Variants in CEP290 observed in about 807,000 individuals in gnomAD.
CEP290 encodes the protein centrosomal protein of 290 kDa.
In CEP290, 317 loss-of-function variants were observed where a neutral mutation model predicts 344.9. The observed-to-expected ratio is 0.92, with a 90% CI of 0.84 to 1.01. The LOEUF (loss-of-function observed/expected upper bound fraction) is 1.01, where lower values mean the gene tolerates loss of function less well. Ranked by LOEUF, CEP290 falls within the 50% of genes least tolerant of loss-of-function variation. The pLI is 0.00. For missense variants in CEP290, 2,754 were observed against 2,761.4 expected (o/e 1.00, Z 0.06); for synonymous variants, 932 against 895.8 (o/e 1.04, Z -0.72).
At chr12:88,099,954 C>G (rs1270186523) in intron 26 of CEP290, among the ~76,000 whole-genome samples, 1 of 151,740 alleles carries the variant, frequency 6.6e-6, no homozygotes, top group Non-Finnish European at 1.5e-5. Flanking sequence ...TTTTCTTTCC[C>G]TCCTCCTGAA....
Position 88,089,117 on chromosome 12 carries a change from T to G in CEP290, c.3944A>C (p.Glu1315Ala). ...TAATTCCATCTCCAATGTTTTGTTC[T>G]CCATATTTCTATGTTCTTGTTGAGA... Reference protein sequence around the residue: ...KNSQQEHRNMENKTLEMELKL... With the variant: ...KNSQQEHRNMANKTLEMELKL... The change falls in exon 31 of 54, where the codon GAG becomes GCG. Residue 1315 changes from glutamate to alanine, a missense_variant. Physicochemically the swap from Glu to Ala is moderately radical, Grantham distance 107 (BLOSUM62 -1). Transcript: ENST00000552810. The G allele has an allele frequency of 6.3e-7, 1 of 1,578,518 alleles. No individual in the cohort carries two copies. The highest frequency in any genetic ancestry group is 8.6e-7 in the Non-Finnish European group (1 of 1,164,942).
chr12:88,131,112 C>A (rs2040039653), intron 7 of CEP290, 53 bp downstream of exon 7: 5 of 1,331,364 alleles, frequency 3.8e-6, no homozygotes, highest in Non-Finnish European at 5.0e-6. Flanking sequence ...AACTTAGGTA[C>A]TTATTTTAAT....
chr12:88,129,633 TA>T, intron 10 of CEP290, 60 bp downstream of exon 10: 1 of 998,518 alleles, frequency 1.0e-6, no homozygotes, highest in Non-Finnish European at 1.4e-6. Context: ...TAGTGTCAAA[TA>T]AATAGTAATG....
At position 88,125,330 on chromosome 12, in the gene CEP290, C is replaced by T. The variant is rs373414042; in HGVS notation, c.1105G>A (p.Glu369Lys). ...TCTTTTGTATATTGTTCTACTTGTT[C>T]GGTGAGCATCTTAATTTGACTGTCT... ...ERDSQIKMLT[E>K]QVEQYTKEME... The change falls in exon 13 of 54, where the codon GAA (glutamate) becomes AAA (lysine). Residue 369 changes from glutamate to lysine, a missense_variant. Glu to Lys is a moderately conservative substitution (Grantham distance 56, BLOSUM62 1). Coordinates refer to ENST00000552810, the MANE Select transcript of CEP290 (RefSeq NM_025114.4). 2.8e-5 allele frequency: 37 copies of T among 1,315,734 alleles called. No homozygotes were observed. Among genetic ancestry groups the T allele is most frequent in the African/African-American group, 1.4e-4 (9 of 65,482 alleles). 81.5% of individuals were successfully genotyped at this position (1,315,734 alleles called of 1,614,324 possible). A position where few individuals can be genotyped will look rare whatever the true frequency, so the allele number is the denominator to read the frequency against.
chr12:88,077,177 C>T (rs45477793), intron 41 of CEP290, 45 bp downstream of exon 41: 1 of 1,558,528 alleles, frequency 6.4e-7, no homozygotes, highest in South Asian at 1.2e-5. Context: ...TTAACTTACT[C>T]TGTCACTACC....
rs761987341 is a variant in CEP290 at position 88,121,056 on chromosome 12, C to T, written c.1300G>A (p.Ala434Thr). The T allele has an allele frequency of 6.2e-7, 1 of 1,613,584 alleles. No homozygotes were observed. The highest frequency in any genetic ancestry group is 1.1e-5 in the South Asian group (1 of 91,062). ...ACTAATTCTTTATCCTTTTCCCTAGCATCAGCCTCAGCCAGTTCAGCTGTT... is the reference window on the plus strand; with the variant it reads ...ACTAATTCTTTATCCTTTTCCCTAGTATCAGCCTCAGCCAGTTCAGCTGTT... ...ERTAELAEAD[A>T]REKDKELVEA... The change falls in exon 14 of 54, where the codon GCT becomes ACT. Residue 434 changes from alanine (A) to threonine (T), a missense_variant. By Grantham distance (58) the Ala-to-Thr change is moderately conservative (BLOSUM62 0). Coordinates refer to ENST00000552810, the MANE Select transcript of CEP290 (RefSeq NM_025114.4).
At position 88,064,070 on chromosome 12, in the gene CEP290, G is replaced by T; in HGVS notation, c.6181C>A (p.Leu2061Ile). The T allele has an allele frequency of 6.3e-7, 1 of 1,584,926 alleles. No homozygotes were observed. The highest frequency in any genetic ancestry group is 8.6e-7 in the Non-Finnish European group (1 of 1,163,556). ...SDDHCQREQE[L>I]QKENLKLSSE... ...GACAACTTCAAGTTTTCCTTCTGAA[G>T]CTCCTGTTCTCTCTGACAATGATCA... The change falls in exon 45 of 54, where the codon CTT becomes ATT. Residue 2061 changes from leucine (L) to isoleucine (I), a missense_variant. By Grantham distance (5) the Leu-to-Ile change is conservative (BLOSUM62 2). Transcript: ENST00000552810.
rs1234298690 is a variant in CEP290 at position 88,086,275 on chromosome 12, T to C, written c.4303-102A>G. On this transcript the variant is annotated intron_variant, in intron 33 of 53. Coordinates refer to ENST00000552810, the MANE Select transcript of CEP290 (RefSeq NM_025114.4). ...TAAAACATAGATTAAACCCCTCTTA[T>C]ATTTTAAATATACAATATAACATCA... 1.0e-5 allele frequency: 15 copies of C among 1,449,520 alleles called. No homozygotes were observed. The Admixed American group carries it at 1.4e-4, about 14-fold the overall frequency. 89.8% of individuals were successfully genotyped at this position (1,449,520 alleles called of 1,614,324 possible). A position where few individuals can be genotyped will look rare whatever the true frequency, so the allele number is the denominator to read the frequency against.
At position 88,093,829 on chromosome 12, in the gene CEP290, G is replaced by A. The variant is rs372918770; in HGVS notation, c.3250C>T (p.Arg1084Trp). Residue 1084 changes from arginine to tryptophan, a missense_variant, in exon 28 of 54, where the codon CGG (arginine) becomes TGG (tryptophan). Physicochemically the swap from Arg to Trp is moderately radical, Grantham distance 101. Coordinates refer to ENST00000552810, the MANE Select transcript of CEP290 (RefSeq NM_025114.4). The part of the protein sequence containing the change: ...EHCQKMYEHL[R>W]TSLKQMEERN... ...TCCTCCATTTGCTTTAACGAAGTCC[G>A]TAAGTGTTCATACATTTTTTGACAA... is the stretch of plus-strand genomic sequence containing the variant. The A allele has an allele frequency of 1.8e-5, 29 of 1,612,508 alleles. No individual in the cohort carries two copies. The highest frequency in any genetic ancestry group is 3.3e-4 in the Middle Eastern group (2 of 6,080).
In CEP290 at chr12:88,060,847, C is replaced by T. The variant is rs2136748183; in HGVS notation, c.6505G>A (p.Glu2169Lys). 1 of 1,524,836 alleles carries T rather than the reference C, an allele frequency of 6.6e-7. No individual in the cohort carries two copies. The highest frequency in any genetic ancestry group is 8.8e-7 in the Non-Finnish European group (1 of 1,139,230). 94.5% of individuals were successfully genotyped at this position (1,524,836 alleles called of 1,614,324 possible). A position where few individuals can be genotyped will look rare whatever the true frequency, so the allele number is the denominator to read the frequency against. The change falls in exon 47 of 54, where the codon GAA (glutamate) becomes AAA (lysine). Residue 2169 changes from glutamate to lysine, a missense_variant. Transcript: ENST00000552810. ...AAAATTACCTTCAATTTTTCATTTTCCTGCTCAATATTAGCCATTTTTTCA... is the reference window on the plus strand; with the variant it reads ...AAAATTACCTTCAATTTTTCATTTTTCTGCTCAATATTAGCCATTTTTTCA... The part of the protein sequence containing the change: ...TSEKMANIEQ[E>K]NEKLKAELEK...
rs537482698 is a variant in CEP290, at chr12:88,140,669, A to G, written c.180+287T>C. On this transcript the variant is annotated intron_variant, in intron 3 of 53. Coordinates refer to ENST00000552810, the MANE Select transcript of CEP290 (RefSeq NM_025114.4). ...TCATTTCCCCTCTTAACAAATCCCT[A>G]TAGCAGTCATTGTCTGCATTTGTCA... Among the ~76,000 whole-genome samples, 11 of 152,302 alleles carry G rather than the reference A, an allele frequency of 7.2e-5. No individual in the cohort carries two copies. In the South Asian group the frequency reaches 2.3e-3, roughly 32 times the overall value.
At chr12:88,102,740 A>G (rs1256593815) in intron 26 of CEP290, 98 bp downstream of exon 26, 14 of 853,642 alleles carry the variant, frequency 1.6e-5, no homozygotes, top group Non-Finnish European at 2.3e-5. Context: ...ATATAAATGC[A>G]GGCAAACTTT....
rs137852834 is a variant in CEP290 at position 88,083,936 on chromosome 12, T to A, written c.4723A>T (p.Lys1575Ter). ...KAREEQREIV[K>*]KHEEDLHILH... ...ATATGAAGGTCTTCCTCATGTTTCT[T>A]CACAATTTCTCTTTGCTCCTGTTTT... is the stretch of plus-strand genomic sequence containing the variant. Residue 1575 changes from lysine to a stop codon, truncating the protein, a stop_gained, in exon 36 of 54, where the codon AAG becomes TAG. Transcript: ENST00000552810. LOFTEE classifies it high-confidence loss of function. The A allele has an allele frequency of 1.1e-4, 173 of 1,590,190 alleles. No homozygotes were observed. Among genetic ancestry groups the A allele is most frequent in the Non-Finnish European group, 1.4e-4 (167 of 1,166,274 alleles).
At chr12:88,057,628 A>T (rs2034117183) in intron 49 of CEP290, among the ~76,000 whole-genome samples, 1 of 152,000 alleles carries the variant, frequency 6.6e-6, no homozygotes, top group Non-Finnish European at 1.5e-5. Context: ...TGAGAGCTAG[A>T]GTGGAGAAGT....
At chr12:88,124,574 A>G (rs2039616437) in intron 13 of CEP290, among the ~76,000 whole-genome samples, 1 of 151,838 alleles carries the variant, frequency 6.6e-6, no homozygotes, top group South Asian at 2.1e-4. Context: ...ATGTATATAT[A>G]TGTGTATATA....
At chr12:88,064,139 TA>T (rs759910622) in intron 44 of CEP290, 24 bp from the exon 45 acceptor site, 45 of 1,512,196 alleles carry the variant, frequency 3.0e-5, no homozygotes, top group Non-Finnish European at 3.6e-5. Context: ...AAATTAGGAA[TA>T]TTTTTAAAGT....
chr12:88,096,972 C>A lies in CEP290; in HGVS notation c.3019G>T (p.Val1007Leu). 6.4e-7 allele frequency: 1 copy of A among 1,563,984 alleles called. No individual in the cohort carries two copies. Among genetic ancestry groups the A allele is most frequent in the Non-Finnish European group, 8.7e-7 (1 of 1,151,744 alleles). The change falls in exon 27 of 54, where the codon GTG (valine) becomes TTG (leucine). Residue 1007 changes from valine to leucine, a missense_variant. Physicochemically the swap from Val to Leu is conservative, Grantham distance 32. Coordinates refer to ENST00000552810, the MANE Select transcript of CEP290 (RefSeq NM_025114.4). ...TCCAGTTCTTTATTTATAGACTCCA[C>A]TTGTTCTTTTAAGGAGATGTTTTCA... is the stretch of plus-strand genomic sequence containing the variant. The part of the protein sequence containing the change: ...ECENISLKEQ[V>L]ESINKELEIT...
chr12:88,141,328 T>C lies in CEP290; in HGVS notation c.-21A>G. The stretch of plus-strand genomic sequence containing the variant: ...GGCATCTTGAATTCTTTCACTGTGC[T>C]CCACCTCTGTAACAAAACAGGTGTA... On this transcript the variant is annotated 5_prime_UTR_variant, in exon 2 of 54. Coordinates refer to ENST00000552810, the MANE Select transcript of CEP290 (RefSeq NM_025114.4). 1 of 1,521,228 alleles carries C rather than the reference T, an allele frequency of 6.6e-7. No homozygotes were observed. Among genetic ancestry groups the C allele is most frequent in the East Asian group, 2.3e-5 (1 of 43,572 alleles). 94.2% of individuals were successfully genotyped at this position (1,521,228 alleles called of 1,614,324 possible).
Position 88,087,885 on chromosome 12 carries a change from C to G in CEP290, c.4089G>C (p.Arg1363=). 8.1e-7 allele frequency: 1 copy of G among 1,228,824 alleles called. No individual in the cohort carries two copies. The highest frequency in any genetic ancestry group is 1.0e-6 in the Non-Finnish European group (1 of 959,914). 76.1% of individuals were successfully genotyped at this position (1,228,824 alleles called of 1,614,324 possible). The change falls in exon 32 of 54, where the codon CGG becomes CGC. Residue 1363 remains arginine, a synonymous_variant. Coordinates refer to ENST00000552810, the MANE Select transcript of CEP290 (RefSeq NM_025114.4). ...ELRLQELKLN[R]ELVKDKEEIK... The stretch of plus-strand genomic sequence containing the variant: ...TTTCTTCTTTATCCTTGACTAATTC[C>G]CGATTTAGTTTAAGTTCTTGAAGAC...
Sources: gnomAD v4.1 joint callset for allele counts (sites outside exome capture counted in the v4.1 genomes callset) on GRCh38, gnomAD v4.1.1 for gene constraint, MANE v1.5 for transcripts, NCBI Gene and HGNC (gene_info 2026-07-23, HGNC 2026-07-21) for gene names.